Variants in SLC37A3 observed in about 807,000 individuals in gnomAD.
SLC37A3 encodes solute carrier family 37 member 3.
A neutral mutation model predicts 67.1 loss-of-function variants in SLC37A3; 51 were observed. The ratio of observed to expected loss-of-function variants is 0.76; its 90% CI spans 0.61 to 0.96. SLC37A3 has a LOEUF of 0.96. Ranked by LOEUF, SLC37A3 falls within the 40% of genes least tolerant of loss-of-function variation. SLC37A3 has a pLI of 0.00. For synonymous variants in SLC37A3, 214 were observed against 231.4 expected (o/e 0.92, Z 0.68); for missense variants, 508 against 603.0 (o/e 0.84, Z 1.65).
chr7:140,368,115 CACCT>C (rs1797677469), intron 4 of SLC37A3, among the ~76,000 whole-genome samples: 1 of 151,948 alleles, frequency 6.6e-6, no homozygotes. Flanking sequence ...CGCCCAGCCC[CACCT>C]TTCTTACCAC....
chr7:140,360,383 TGG>T (rs1797217510), intron 5 of SLC37A3, among the ~76,000 whole-genome samples: 2 of 152,104 alleles, frequency 1.3e-5, no homozygotes, highest in African/African-American at 2.4e-5. Context: ...CTAAACTCCA[TGG>T]TTTCATTTAA....
In SLC37A3 at chr7:140,334,501, C is replaced by T. The variant is rs1423374028; in HGVS notation, c.*911G>A. On this transcript the variant is annotated 3_prime_UTR_variant, in exon 15 of 15. Coordinates refer to ENST00000326232, the MANE Select transcript of SLC37A3 (RefSeq NM_207113.3). Reference sequence around the variant, plus strand: ...GGTAACTCCAGGAAGCTGCTTGTGCCAGAGATCAATCCTCTAAAAATAGAC... The same window carrying T: ...GGTAACTCCAGGAAGCTGCTTGTGCTAGAGATCAATCCTCTAAAAATAGAC... The T allele has an allele frequency of 6.6e-6, 1 of 152,510 alleles. No individual in the cohort carries two copies. The highest frequency in any genetic ancestry group is 1.5e-5 in the Non-Finnish European group (1 of 68,038). The allele number at this position is 152,510 out of a possible 1,614,324, so 9.4% of individuals were successfully genotyped here.
intron 9 of SLC37A3, among the ~76,000 whole-genome samples, chr7:140,350,491 G>A (rs1001267988): frequency 4.0e-5 from 6 of 151,702 alleles, no homozygotes; most frequent in Non-Finnish European, 5.9e-5. Context: ...CAAGCCAGGC[G>A]CGGTGGCTCA....
At chr7:140,358,184 G>GT (rs777802143) in intron 6 of SLC37A3, among the ~76,000 whole-genome samples, 2 of 152,106 alleles carry the variant, frequency 1.3e-5, no homozygotes, top group Non-Finnish European at 2.9e-5. Context: ...TAGAGCCCTT[G>GT]TTACATGACC....
intron 14 of SLC37A3, among the ~76,000 whole-genome samples, chr7:140,336,590 T>G (rs1359168030): frequency 2.0e-5 from 3 of 152,222 alleles, no homozygotes. Flanking sequence ...ACAGCAATGC[T>G]TCTCTTTTAA....
At chr7:140,395,075 T>C (rs1408024650) in intron 1 of SLC37A3, among the ~76,000 whole-genome samples, 2 of 152,056 alleles carry the variant, frequency 1.3e-5, no homozygotes, top group African/African-American at 2.4e-5. Flanking sequence ...ACACCCTTCA[T>C]GCATTAAAAA....
chr7:140,369,267 C>G (rs1229910437), intron 4 of SLC37A3, among the ~76,000 whole-genome samples: 1 of 152,186 alleles, frequency 6.6e-6, no homozygotes, highest in African/African-American at 2.4e-5. Flanking sequence ...CTCCGTTGTA[C>G]TTACCACCTT....
At chr7:140,348,955 G>C (rs1796688627) in intron 9 of SLC37A3, among the ~76,000 whole-genome samples, 188 bp from the exon 10 acceptor site, 1 of 152,198 alleles carries the variant, frequency 6.6e-6, no homozygotes, top group Non-Finnish European at 1.5e-5. Context: ...CTTCATCCCT[G>C]TTAACTTCTA....
chr7:140,366,157 C>T (rs2117183384), intron 4 of SLC37A3, among the ~76,000 whole-genome samples: 1 of 151,946 alleles, frequency 6.6e-6, no homozygotes, highest in East Asian at 1.9e-4. Context: ...TGGCCTCAAG[C>T]AATTCTCCCC....
chr7:140,336,749 C>T (rs1357468340), intron 14 of SLC37A3, among the ~76,000 whole-genome samples: 1 of 152,058 alleles, frequency 6.6e-6, no homozygotes, highest in Non-Finnish European at 1.5e-5. Flanking sequence ...TCATAAATGG[C>T]AATATTCATT....
chr7:140,368,648 C>T (rs1455961324), intron 4 of SLC37A3, among the ~76,000 whole-genome samples: 1 of 152,128 alleles, frequency 6.6e-6, no homozygotes, highest in Non-Finnish European at 1.5e-5. Context: ...TGAACCTACA[C>T]CTTGAACTCC....
chr7:140,364,033 G>GATC (rs1797494299), intron 5 of SLC37A3, among the ~76,000 whole-genome samples: 1 of 152,164 alleles, frequency 6.6e-6, no homozygotes, highest in Non-Finnish European at 1.5e-5. Context: ...AAGGCAGGAG[G>GATC]ATCACCTGAG....
intron 2 of SLC37A3, among the ~76,000 whole-genome samples, chr7:140,380,897 CTTTT>C (rs56276405): frequency 7.9e-6 from 1 of 125,874 alleles, no homozygotes. Context: ...TCTTCTTCTT[CTTTT>C]TTTTTTTTTT....
rs778630820 is a variant in SLC37A3, at chr7:140,348,715, CAGA to C, written c.932_934del (p.Phe311del). Reference sequence around the variant, plus strand: ...GTTGTTACTCAGATAAAAGGGGAGCCAGAAGAAGAAGGAGTAATTCACTAACTT... The same window carrying C: ...GTTGTTACTCAGATAAAAGGGGAGCCAGAAGAAGGAGTAATTCACTAACTT... On this transcript the variant is annotated inframe_deletion, in exon 10 of 15. Coordinates refer to ENST00000326232, the MANE Select transcript of SLC37A3 (RefSeq NM_207113.3). The C allele has an allele frequency of 6.8e-6, 11 of 1,613,912 alleles. No homozygotes were observed. The highest frequency in any genetic ancestry group is 5.3e-5 in the African/African-American group (4 of 74,910).
chr7:140,373,366 A>T (rs955234736), intron 3 of SLC37A3, among the ~76,000 whole-genome samples: 2 of 152,224 alleles, frequency 1.3e-5, no homozygotes, highest in African/African-American at 4.8e-5. Flanking sequence ...GAAACTAGTT[A>T]TTCAGATTTG....
chr7:140,340,489 T>TGAAAAAAATTAATGCAGTGA (rs1796318270), intron 13 of SLC37A3, among the ~76,000 whole-genome samples: 1 of 152,122 alleles, frequency 6.6e-6, no homozygotes, highest in Non-Finnish European at 1.5e-5. Flanking sequence ...TACTGAAATG[T>TGAAAAAAATTAATGCAGTGA]ACAAGTGAAA....
intron 5 of SLC37A3, among the ~76,000 whole-genome samples, chr7:140,362,459 C>T (rs79953548): frequency 0.44 from 50,710 of 114,218 alleles, 8,752 homozygotes; most frequent in South Asian, 0.47. Context: ...GCCGCCCCGT[C>T]TGGGAGGTGA....
chr7:140,337,532 T>G (rs982500515), intron 13 of SLC37A3, 183 bp from the exon 14 acceptor site: 2 of 445,612 alleles, frequency 4.5e-6, no homozygotes, highest in African/African-American at 4.1e-5. Context: ...CATTTAAGCA[T>G]GCAGAGTCCA....
chr7:140,377,373 T>C (rs1798076030), intron 3 of SLC37A3, among the ~76,000 whole-genome samples: 2 of 152,156 alleles, frequency 1.3e-5, no homozygotes, highest in African/African-American at 4.8e-5. Context: ...CCCAAGACAC[T>C]TTAAATTCTC....
Sources: allele counts gnomAD v4.1 joint callset (sites outside exome capture counted in the v4.1 genomes callset), GRCh38; gene constraint gnomAD v4.1.1; transcripts MANE v1.5; gene names NCBI Gene and HGNC (gene_info 2026-07-23, HGNC 2026-07-21).